The following PCNX2 variants were observed in gnomAD, a reference collection of about 807,000 sequenced individuals.
PCNX2 encodes the protein pecanex 2, also known as pecanex-like protein 2.
A neutral mutation model predicts 223.8 loss-of-function variants in PCNX2; 168 were observed. That is an observed-to-expected ratio of 0.75 (90% CI 0.66 to 0.85). PCNX2 has a LOEUF of 0.85. PCNX2 is among the 40% of genes least tolerant of loss of function. The probability of loss-of-function intolerance (pLI) is 0.00; values close to 1 mark genes in which losing one functional copy is unlikely to be tolerated. For missense variants in PCNX2, 2,507 were observed against 2,675.5 expected (o/e 0.94, Z 1.39); for synonymous variants, 1,006 against 1,052.6 (o/e 0.96, Z 0.86).
intron 32 of PCNX2, among the ~76,000 whole-genome samples, chr1:232,989,525 G>C (rs1380301297): frequency 6.6e-6 from 1 of 151,908 alleles, no homozygotes; most frequent in East Asian, 1.9e-4. Flanking sequence ...AGAGAGGCAG[G>C]TCCTCCACTC....
At chr1:233,257,552 G>A (rs540233114) in intron 5 of PCNX2, among the ~76,000 whole-genome samples, 18 of 152,262 alleles carry the variant, frequency 1.2e-4, no homozygotes, top group Admixed American at 7.8e-4. Flanking sequence ...AATTAAGAGC[G>A]GCAGAAGTGT....
chr1:233,218,166 C>T lies in PCNX2; in HGVS notation c.2523G>A (p.Glu841=), dbSNP rs368896779. 1 of 1,416,800 alleles carries T rather than the reference C, an allele frequency of 7.1e-7. No individual in the cohort carries two copies. Among genetic ancestry groups the T allele is most frequent in the South Asian group, 1.2e-5 (1 of 82,012 alleles). The allele number at this position is 1,416,800 out of a possible 1,614,324, so 87.8% of individuals were successfully genotyped here. A position where few individuals can be genotyped will look rare whatever the true frequency, so the allele number is the denominator to read the frequency against. ...CAATGAGTAAAATCGCCAGTACATT[C>T]TCCTTGATGTCTTCAGTTCTGTGCA... is the stretch of plus-strand genomic sequence containing the variant. The part of the protein sequence containing the change: ...ALLDRTEDIK[E]NVLAILLIVL... Residue 841 remains glutamate (E), a synonymous_variant, in exon 11 of 34, where the codon GAG becomes GAA. Coordinates refer to ENST00000258229, the MANE Select transcript of PCNX2 (RefSeq NM_014801.4).
chr1:233,199,679 G>A (rs552959698), intron 14 of PCNX2, among the ~76,000 whole-genome samples: 3 of 152,116 alleles, frequency 2.0e-5, no homozygotes, highest in African/African-American at 7.2e-5. Context: ...CACAGTGATG[G>A]TTTAGGGACA....
At chr1:232,986,568 G>A (rs778136520) in intron 32 of PCNX2, 28 bp from the exon 33 acceptor site, 48 of 1,475,964 alleles carry the variant, frequency 3.3e-5, no homozygotes, top group Non-Finnish European at 4.0e-5. Flanking sequence ...ACACAGAGTT[G>A]TAGCGGGTGG....
At chr1:233,161,148 C>T (rs991430708) in intron 18 of PCNX2, 123 bp downstream of exon 18, 2 of 783,918 alleles carry the variant, frequency 2.6e-6, no homozygotes, top group African/African-American at 1.7e-5. Context: ...CTAAGCCTCT[C>T]AGCGGGCATT....
At chr1:233,318,063 T>C in the PCNX2 span, among the ~76,000 whole-genome samples, 1 of 152,138 alleles carries the variant, frequency 6.6e-6, no homozygotes, top group Non-Finnish European at 1.5e-5. Flanking sequence ...TAATCCAAGG[T>C]AAGTATGACA....
intron 32 of PCNX2, among the ~76,000 whole-genome samples, chr1:232,997,118 GC>G (rs1213766170): frequency 6.6e-6 from 1 of 151,770 alleles, no homozygotes; most frequent in East Asian, 1.9e-4. Context: ...TTCCCCTATT[GC>G]CCATTCTTTC....
chr1:233,010,255 G>A (rs1243923875), intron 28 of PCNX2, among the ~76,000 whole-genome samples: 1 of 152,210 alleles, frequency 6.6e-6, no homozygotes. Flanking sequence ...GCTGTGGGTG[G>A]GAGGAGTGGG....
At chr1:233,219,716 C>G (rs184494390) in intron 10 of PCNX2, among the ~76,000 whole-genome samples, 1 of 152,130 alleles carries the variant, frequency 6.6e-6, no homozygotes, top group Non-Finnish European at 1.5e-5. Context: ...CATAGCCCCT[C>G]CCCACAGACA....
chr1:233,011,152 C>G (rs1345026547), intron 28 of PCNX2, among the ~76,000 whole-genome samples: 2 of 152,112 alleles, frequency 1.3e-5, no homozygotes, highest in Non-Finnish European at 2.9e-5. Flanking sequence ...TATAATCATA[C>G]TAAAAGATTA....
intron 21 of PCNX2, among the ~76,000 whole-genome samples, chr1:233,128,785 T>A (rs1394211954): frequency 6.6e-6 from 1 of 152,126 alleles, no homozygotes; most frequent in East Asian, 1.9e-4. Context: ...CAACCAGAAA[T>A]GTCACCAATG....
chr1:233,013,818 G>A (rs535575929), intron 28 of PCNX2, among the ~76,000 whole-genome samples: 1 of 152,126 alleles, frequency 6.6e-6, no homozygotes, highest in African/African-American at 2.4e-5. Flanking sequence ...ACCCACAGAG[G>A]TGCTGATGGA....
intron 9 of PCNX2, among the ~76,000 whole-genome samples, chr1:233,233,423 CCTGTGT>C (rs1376068223): frequency 3.0e-4 from 35 of 115,584 alleles, no homozygotes; most frequent in African/African-American, 1.2e-3. Flanking sequence ...CTCCTCTTCT[CCTGTGT>C]GTGTGTGTGT....
the PCNX2 span, among the ~76,000 whole-genome samples, chr1:233,323,589 A>G: frequency 6.6e-6 from 1 of 152,324 alleles, no homozygotes; most frequent in East Asian, 1.9e-4. Flanking sequence ...TATGATATGT[A>G]TTATGGTGAT....
At chr1:233,174,113 T>C (rs948791163) in intron 17 of PCNX2, among the ~76,000 whole-genome samples, 1 of 146,180 alleles carries the variant, frequency 6.8e-6, no homozygotes, top group African/African-American at 2.5e-5. Context: ...ATTTGTATAT[T>C]ATATATAATA....
At chr1:233,169,303 T>C (rs1572010054) in intron 17 of PCNX2, among the ~76,000 whole-genome samples, 1 of 152,142 alleles carries the variant, frequency 6.6e-6, no homozygotes, top group East Asian at 1.9e-4. Flanking sequence ...TTTGGATAAA[T>C]ATTTGATTTT....
intron 15 of PCNX2, among the ~76,000 whole-genome samples, chr1:233,191,069 G>A (rs934511340): frequency 6.6e-6 from 1 of 152,148 alleles, no homozygotes; most frequent in Non-Finnish European, 1.5e-5. Context: ...TCTATTTTTT[G>A]AATACCAGAT....
At chr1:233,305,188 T>A in the PCNX2 span, among the ~76,000 whole-genome samples, 1 of 152,176 alleles carries the variant, frequency 6.6e-6, no homozygotes, top group Non-Finnish European at 1.5e-5. Flanking sequence ...ATTTTGTATA[T>A]AGCTCCTTTA....
At chr1:233,019,288 A>C (rs1670793003) in intron 26 of PCNX2, 1 of 812,642 alleles carries the variant, frequency 1.2e-6, no homozygotes, top group Non-Finnish European at 1.5e-6. Flanking sequence ...TGTCCCAAAA[A>C]TGAGGAAGTG....
Sources: allele counts gnomAD v4.1 joint callset (sites outside exome capture counted in the v4.1 genomes callset), GRCh38; gene constraint gnomAD v4.1.1; transcripts MANE v1.5; gene names NCBI Gene and HGNC (gene_info 2026-07-23, HGNC 2026-07-21).